WDFY3: variants seen among roughly 807,000 people sequenced by gnomAD.
WDFY3 encodes the protein WD repeat and FYVE domain-containing protein 3.
Under a neutral mutation model 409.6 loss-of-function variants are expected in WDFY3, and 66 were observed. The ratio of observed to expected loss-of-function variants is 0.16; its 90% confidence interval spans 0.13 to 0.20. The LOEUF (loss-of-function observed/expected upper bound fraction) is 0.20, where lower values mean the gene tolerates loss of function less well. WDFY3 is among the 10% of genes least tolerant of loss of function. WDFY3 has a pLI of 1.00. For synonymous variants in WDFY3, 1,521 were observed against 1,537.1 expected (o/e 0.99, Z 0.25); for missense variants, 3,031 against 4,298.1 (o/e 0.71, Z 8.24).
chr4:84,787,263 A>G (rs969362125), intron 23 of WDFY3, among the ~76,000 whole-genome samples: 3 of 152,204 alleles, frequency 2.0e-5, no homozygotes, highest in African/African-American at 4.8e-5. Context: ...GAGAAACTGG[A>G]TAATAAGCGA....
In WDFY3 at chr4:84,801,752, C is replaced by A; in HGVS notation, c.2720G>T (p.Arg907Met). ...CTCATCAGCCAATGCAGCACTGCAC[C>A]TCTGCAGCAGTCGTGCATGAAGACC... Reference protein sequence around the residue: ...EAGLHARLLQRCSAALADEDH... With the variant: ...EAGLHARLLQMCSAALADEDH... The change falls in exon 17 of 68, where the codon AGG becomes ATG. Residue 907 changes from arginine (R) to methionine (M), a missense_variant. Transcript: ENST00000295888. 1.2e-6 allele frequency: 2 copies of A among 1,613,994 alleles called. No individual in the cohort carries two copies. The highest frequency in any genetic ancestry group is 1.7e-6 in the Non-Finnish European group (2 of 1,180,016).
chr4:84,769,483 C>G (rs1052052563), intron 30 of WDFY3, among the ~76,000 whole-genome samples: 2 of 152,060 alleles, frequency 1.3e-5, no homozygotes, highest in African/African-American at 4.8e-5. Context: ...GGCGCGATCT[C>G]GGCTCACTGC....
At chr4:84,830,072 A>G (rs1258074173) in intron 8 of WDFY3, among the ~76,000 whole-genome samples, 1 of 152,144 alleles carries the variant, frequency 6.6e-6, no homozygotes, top group East Asian at 1.9e-4. Context: ...GATTTAACAG[A>G]GGAATGGGAG....
At chr4:84,886,339 G>A (rs897354425) in intron 3 of WDFY3, 2 of 151,308 alleles carry the variant, frequency 1.3e-5, no homozygotes, top group Non-Finnish European at 2.9e-5. Context: ...TCTTAAGTTA[G>A]TCTCAAGTGA....
chr4:84,937,754 C>T (rs1320309302), intron 1 of WDFY3, among the ~76,000 whole-genome samples: 2 of 152,064 alleles, frequency 1.3e-5, no homozygotes, highest in Non-Finnish European at 2.9e-5. Flanking sequence ...CCCTATTACC[C>T]CTGACTTCAT....
At position 84,775,088 on chromosome 4, in the gene WDFY3, A is replaced by G. The variant is rs775341999; in HGVS notation, c.4569T>C (p.Phe1523=). 2.5e-6 allele frequency: 4 copies of G among 1,613,754 alleles called. No individual in the cohort carries two copies. Among genetic ancestry groups the G allele is most frequent in the Non-Finnish European group, 3.4e-6 (4 of 1,179,864 alleles). Residue 1523 remains phenylalanine (F), a synonymous_variant, in exon 28 of 68, where the codon TTT becomes TTC. Transcript: ENST00000295888. The stretch of plus-strand genomic sequence containing the variant: ...ACCTGGACTCTGTGAGCAGTTCAAT[A>G]AAGTGTTCAAATAAGGAAAGATGAA... The part of the protein sequence containing the change: ...YELHLSLFEH[F]IELLTESSEA...
intron 2 of WDFY3, among the ~76,000 whole-genome samples, chr4:84,915,780 T>G (rs1768399064): frequency 6.6e-6 from 1 of 152,162 alleles, no homozygotes; most frequent in South Asian, 2.1e-4. Context: ...AGTAGAAGCT[T>G]TAAGTGTACA....
intron 17 of WDFY3, 86 bp downstream of exon 17, chr4:84,801,564 C>T: frequency 7.1e-7 from 1 of 1,399,754 alleles, no homozygotes; most frequent in South Asian, 1.5e-5. Context: ...AATATATGTC[C>T]ATTAAGGCAG....
At chr4:84,835,840 T>C (rs572816683) in intron 7 of WDFY3, among the ~76,000 whole-genome samples, 6 of 152,324 alleles carry the variant, frequency 3.9e-5, no homozygotes, top group African/African-American at 1.4e-4. Flanking sequence ...TCACAGTTAC[T>C]TCTCCTTCCT....
In WDFY3 at chr4:84,678,294, T is replaced by C. The variant is rs781729178; in HGVS notation, c.10148-15A>G. 5.0e-6 allele frequency: 8 copies of C among 1,591,244 alleles called. No individual in the cohort carries two copies. The highest frequency in any genetic ancestry group is 1.1e-5 in the South Asian group (1 of 90,626). On this transcript the variant is annotated splice_polypyrimidine_tract_variant and intron_variant, in intron 65 of 67. Coordinates refer to ENST00000295888, the MANE Select transcript of WDFY3 (RefSeq NM_014991.6). Reference sequence around the variant, plus strand: ...CCATCGGTACCCTGGAATGGAGAAGTGGAGGACACAACATAACTCAACTGA... The same window carrying C: ...CCATCGGTACCCTGGAATGGAGAAGCGGAGGACACAACATAACTCAACTGA...
At chr4:84,841,081 TTAA>T in intron 6 of WDFY3, 70 bp downstream of exon 6, 3 of 1,201,716 alleles carry the variant, frequency 2.5e-6, no homozygotes, top group South Asian at 1.4e-5. Context: ...AATGATGAAT[TTAA>T]TAATAAAATC....
At chr4:84,840,860 T>A (rs1304394564) in intron 6 of WDFY3, among the ~76,000 whole-genome samples, 1 of 151,794 alleles carries the variant, frequency 6.6e-6, no homozygotes, top group Non-Finnish European at 1.5e-5. Flanking sequence ...CAATTACAGG[T>A]GTGAGCCTCT....
intron 7 of WDFY3, among the ~76,000 whole-genome samples, chr4:84,833,222 C>A (rs545926412): frequency 6.6e-6 from 1 of 152,068 alleles, no homozygotes; most frequent in Non-Finnish European, 1.5e-5. Context: ...CTTCTAATAC[C>A]AGTTCAGGTT....
intron 4 of WDFY3, among the ~76,000 whole-genome samples, chr4:84,852,496 GT>G (rs1183910358): frequency 4.6e-5 from 7 of 152,146 alleles, no homozygotes; most frequent in African/African-American, 1.4e-4. Context: ...TTTCTTACAT[GT>G]TTCTTATAAC....
intron 53 of WDFY3, among the ~76,000 whole-genome samples, chr4:84,708,695 C>T (rs1430564766): frequency 2.0e-5 from 3 of 151,916 alleles, no homozygotes; most frequent in African/African-American, 7.3e-5. Flanking sequence ...GGTCTGGCAC[C>T]ACACCTGGCT....
chr4:84,712,144 A>T (rs1733009460), intron 51 of WDFY3, among the ~76,000 whole-genome samples: 1 of 151,622 alleles, frequency 6.6e-6, no homozygotes, highest in Admixed American at 6.6e-5. Flanking sequence ...GCCAACATGG[A>T]GAAACCCCTT....
At chr4:84,924,922 C>A (rs2150900633) in intron 2 of WDFY3, among the ~76,000 whole-genome samples, 1 of 152,260 alleles carries the variant, frequency 6.6e-6, no homozygotes, top group East Asian at 1.9e-4. Flanking sequence ...TTTGCAAGAA[C>A]CAGTACAATA....
chr4:84,684,164 T>G (rs767402248), intron 62 of WDFY3, 39 bp from the exon 63 acceptor site: 5 of 1,478,916 alleles, frequency 3.4e-6, no homozygotes, highest in Non-Finnish European at 4.5e-6. Flanking sequence ...CTTTGCTCCC[T>G]TCCAATTACC....
At chr4:84,913,754 C>G (rs1452237588) in intron 2 of WDFY3, among the ~76,000 whole-genome samples, 1 of 130,804 alleles carries the variant, frequency 7.6e-6, no homozygotes, top group East Asian at 2.1e-4. Flanking sequence ...AGAAATAAAG[C>G]AAAAAAAAAA....
Sources: gnomAD v4.1 joint callset for allele counts (sites outside exome capture counted in the v4.1 genomes callset) on GRCh38, gnomAD v4.1.1 for gene constraint, MANE v1.5 for transcripts, NCBI Gene and HGNC (gene_info 2026-07-23, HGNC 2026-07-21) for gene names.